ZNF407: variants seen among roughly 807,000 people sequenced by gnomAD.
ZNF407 encodes zinc finger protein 407.
In ZNF407, 17 loss-of-function variants were observed where a neutral mutation model predicts 131.2. The observed-to-expected ratio is 0.13, with a 90% CI of 0.09 to 0.19. ZNF407 has a LOEUF of 0.19. Ranked by LOEUF, ZNF407 falls within the 10% of genes least tolerant of loss-of-function variation. The probability of loss-of-function intolerance (pLI) is 1.00; values close to 1 mark genes in which losing one functional copy is unlikely to be tolerated. For synonymous variants in ZNF407, 1,156 were observed against 1,062.0 expected, an observed-to-expected ratio of 1.09 and a Z score of -1.72; for missense variants, 2,681 against 2,830.6, an observed-to-expected ratio of 0.95 and a Z score of 1.20.
chr18:74,635,216 AAAG>A lies in ZNF407; in HGVS notation c.4203_4205del (p.Lys1402del), dbSNP rs1422533096. On this transcript the variant is annotated inframe_deletion, in exon 2 of 9. Coordinates refer to ENST00000299687, the MANE Select transcript of ZNF407 (RefSeq NM_017757.3). This position sits in a 1 kb window ranked among gnomAD's most constrained non-coding sequence, Gnocchi z 4.7. ...TGAAAGACTGTGCTCAAGGTGTGAAAAAGAAGAAATCTGAGGGCAGTTCCATTG... is the reference window on the plus strand; with the variant it reads ...TGAAAGACTGTGCTCAAGGTGTGAAAAAGAAATCTGAGGGCAGTTCCATTG... 5.0e-6 allele frequency: 8 copies of A among 1,613,910 alleles called. No individual in the cohort carries two copies. Among genetic ancestry groups the A allele is most frequent in the South Asian group, 3.3e-5 (3 of 91,084 alleles).
chr18:74,717,847 C>T (rs542763927), intron 3 of ZNF407, among the ~76,000 whole-genome samples: 51 of 152,224 alleles, frequency 3.4e-4, no homozygotes, highest in African/African-American at 1.1e-3. Flanking sequence ...CTCCAATGAG[C>T]GTTTCCTTTG....
chr18:74,769,695 G>T (rs1461627371), intron 3 of ZNF407, among the ~76,000 whole-genome samples: 1 of 152,210 alleles, frequency 6.6e-6, no homozygotes, highest in Admixed American at 6.5e-5. Context: ...ACTAGATGCA[G>T]GTTTTTGCAT....
chr18:74,986,171 C>T (rs566527873), intron 8 of ZNF407, among the ~76,000 whole-genome samples: 37 of 151,952 alleles, frequency 2.4e-4, no homozygotes, highest in Non-Finnish European at 4.7e-4. Flanking sequence ...AGACAGACTT[C>T]GGCATACAAA....
chr18:74,729,958 A>C (rs547506704), intron 3 of ZNF407, among the ~76,000 whole-genome samples: 84 of 152,340 alleles, frequency 5.5e-4, no homozygotes, highest in African/African-American at 1.6e-3. Context: ...ACAGCTTCTT[A>C]AAAGGTGACA....
At chr18:74,640,396 G>A (rs935491172) in intron 2 of ZNF407, among the ~76,000 whole-genome samples, 3 of 151,760 alleles carry the variant, frequency 2.0e-5, no homozygotes, top group African/African-American at 4.8e-5. Context: ...AATCATCATC[G>A]ATTTTTGACT....
chr18:74,870,651 G>A (rs1022301807), intron 4 of ZNF407, among the ~76,000 whole-genome samples: 6 of 152,058 alleles, frequency 3.9e-5, no homozygotes, highest in Admixed American at 6.5e-5. Context: ...CATTCATTGA[G>A]CAAGGTTTTT....
intron 4 of ZNF407, among the ~76,000 whole-genome samples, chr18:74,851,306 C>G (rs1970779848): frequency 6.6e-6 from 1 of 152,142 alleles, no homozygotes. Flanking sequence ...ATGTGAGCCA[C>G]AAGTTACTGA....
At chr18:74,767,048 A>T (rs1476463988) in intron 3 of ZNF407, among the ~76,000 whole-genome samples, 4 of 152,096 alleles carry the variant, frequency 2.6e-5, no homozygotes, top group Non-Finnish European at 5.9e-5. Context: ...AGTAGCTGGT[A>T]CCACAGGTGC....
At chr18:74,949,715 AT>A (rs1972192247) in intron 8 of ZNF407, among the ~76,000 whole-genome samples, 1 of 151,924 alleles carries the variant, frequency 6.6e-6, no homozygotes, top group East Asian at 1.9e-4. Flanking sequence ...TTTACAGGAG[AT>A]TGGGGGTGCT....
intron 3 of ZNF407, among the ~76,000 whole-genome samples, chr18:74,671,277 C>T (rs1986129800): frequency 6.6e-6 from 1 of 151,564 alleles, no homozygotes; most frequent in South Asian, 2.1e-4. Context: ...AATTTCTTTT[C>T]TTTTTAAGGC....
chr18:74,629,350 A>G (rs1430490023), intron 1 of ZNF407, among the ~76,000 whole-genome samples: 2 of 152,150 alleles, frequency 1.3e-5, no homozygotes, highest in East Asian at 3.8e-4. Flanking sequence ...TATATTTTCT[A>G]TGAAGAAATG....
intron 3 of ZNF407, among the ~76,000 whole-genome samples, chr18:74,688,890 G>A (rs1308146957): frequency 7.2e-5 from 11 of 151,968 alleles, no homozygotes; most frequent in South Asian, 4.2e-4. Context: ...GTGCAGTGGC[G>A]CAATCTTGGC....
intron 8 of ZNF407, chr18:74,921,137 G>T: frequency 2.0e-6 from 1 of 507,616 alleles, no homozygotes; most frequent in Non-Finnish European, 2.5e-6. Context: ...CGACCACGGA[G>T]TCAAGCGTAG....
intron 3 of ZNF407, among the ~76,000 whole-genome samples, chr18:74,713,178 T>C (rs1246358745): frequency 6.6e-6 from 1 of 152,168 alleles, no homozygotes; most frequent in Non-Finnish European, 1.5e-5. Flanking sequence ...CCCTGTCTCA[T>C]GCCTTTGCTC....
chr18:74,629,592 C>T (rs1001721367), intron 1 of ZNF407, among the ~76,000 whole-genome samples: 10 of 151,892 alleles, frequency 6.6e-5, no homozygotes, highest in Middle Eastern at 3.2e-3. Context: ...TCGTATTGTT[C>T]GCGCTTCCAG....
intron 8 of ZNF407, among the ~76,000 whole-genome samples, chr18:74,997,509 T>C (rs985302448): frequency 3.9e-5 from 6 of 152,062 alleles, no homozygotes; most frequent in African/African-American, 1.5e-4. Flanking sequence ...AAAAAATAAA[T>C]AAAAAGACTA....
intron 4 of ZNF407, among the ~76,000 whole-genome samples, chr18:74,807,311 G>A (rs139666762): frequency 2.6e-5 from 4 of 152,314 alleles, no homozygotes; most frequent in Admixed American, 2.6e-4. Context: ...TGCATGTGCT[G>A]AAGGAGGGTC....
intron 4 of ZNF407, among the ~76,000 whole-genome samples, chr18:74,828,294 T>C (rs1242103617): frequency 6.6e-6 from 1 of 152,192 alleles, no homozygotes; most frequent in Non-Finnish European, 1.5e-5. Context: ...ATATTCCTTA[T>C]TCCTTACTGG....
intron 3 of ZNF407, among the ~76,000 whole-genome samples, chr18:74,717,144 A>T (rs1162819461): frequency 6.6e-6 from 1 of 152,192 alleles, no homozygotes; most frequent in African/African-American, 2.4e-5. Flanking sequence ...GGTGATTCTG[A>T]CCTAGCCATT....
Sources: gnomAD v4.1 joint callset for allele counts (sites outside exome capture counted in the v4.1 genomes callset) on GRCh38, gnomAD v4.1.1 for gene constraint, Gnocchi (gnomAD v3.1) non-coding constraint, MANE v1.5 for transcripts, NCBI Gene and HGNC (gene_info 2026-07-23, HGNC 2026-07-21) for gene names.